Variants in RNF13 observed in about 807,000 individuals in gnomAD.
RNF13 encodes the protein E3 ubiquitin-protein ligase RNF13.
RNF13 carries 19 observed loss-of-function variants against 37.7 expected under a neutral mutation model. The ratio of observed to expected loss-of-function variants is 0.50; its 90% CI spans 0.35 to 0.74. RNF13 has a LOEUF of 0.74. Among genes scored for constraint, RNF13 ranks in the 30% least tolerant of loss-of-function variants. The pLI is 0.01. For missense variants in RNF13, 375 were observed against 453.0 expected, an observed-to-expected ratio of 0.83 and a Z score of 1.56; for synonymous variants, 144 against 157.8, an observed-to-expected ratio of 0.91 and a Z score of 0.65.
At chr3:149,817,986 T>C (rs1192189276) in intron 1 of RNF13, among the ~76,000 whole-genome samples, 1 of 152,200 alleles carries the variant, frequency 6.6e-6, no homozygotes, top group Non-Finnish European at 1.5e-5. Flanking sequence ...TTTGGTACAA[T>C]TGGGTAGAGC....
intron 8 of RNF13, among the ~76,000 whole-genome samples, chr3:149,940,582 C>G (rs1024889776): frequency 2.0e-5 from 3 of 152,156 alleles, no homozygotes; most frequent in Non-Finnish European, 2.9e-5. Flanking sequence ...CTTTAAAGAA[C>G]TTATTTTAAC....
intron 8 of RNF13, among the ~76,000 whole-genome samples, chr3:149,932,947 C>CT (rs1291341084): frequency 6.6e-6 from 1 of 152,264 alleles, no homozygotes; most frequent in Non-Finnish European, 1.5e-5. Context: ...CTGGGACAGA[C>CT]TTCTGCCTGG....
chr3:149,830,629 A>G (rs1029087046), intron 1 of RNF13, among the ~76,000 whole-genome samples: 1 of 138,324 alleles, frequency 7.2e-6, no homozygotes, highest in Non-Finnish European at 1.5e-5. Context: ...GAAGCAGAGC[A>G]TAAAAGTTCA....
intron 2 of RNF13, among the ~76,000 whole-genome samples, chr3:149,849,114 C>T (rs575326748): frequency 6.6e-6 from 1 of 152,154 alleles, no homozygotes; most frequent in South Asian, 2.1e-4. Flanking sequence ...AAACGTAATA[C>T]TATTAATTAT....
At chr3:149,873,621 A>G (rs915016162) in intron 4 of RNF13, among the ~76,000 whole-genome samples, 1 of 151,888 alleles carries the variant, frequency 6.6e-6, no homozygotes, top group Non-Finnish European at 1.5e-5. Context: ...TACATGTACT[A>G]TTTTCTCTGT....
intron 6 of RNF13, among the ~76,000 whole-genome samples, chr3:149,904,078 C>G (rs1033590844): frequency 1.3e-5 from 2 of 152,084 alleles, no homozygotes; most frequent in Non-Finnish European, 2.9e-5. Context: ...CCCTCTCTTT[C>G]AGTGGGCAGA....
At chr3:149,867,864 T>G (rs980534603) in intron 3 of RNF13, among the ~76,000 whole-genome samples, 28 of 151,920 alleles carry the variant, frequency 1.8e-4, no homozygotes, top group African/African-American at 6.8e-4. Flanking sequence ...CCTTTCTTAC[T>G]GTCTTCCTTT....
chr3:149,856,171 A>G (rs1447723520), intron 3 of RNF13, among the ~76,000 whole-genome samples: 1 of 151,840 alleles, frequency 6.6e-6, no homozygotes, highest in Non-Finnish European at 1.5e-5. Flanking sequence ...ACTTGACAAT[A>G]TAGGGCAAGA....
In RNF13 at chr3:149,858,777, C is replaced by T. The variant is rs550625217; in HGVS notation, c.195+6181C>T. ...TTCTTATATGATGTATAATTTATTT[C>T]CCCTCATCATTATTCATTAAATTAG... On this transcript the variant is annotated intron_variant, in intron 3 of 9. Transcript: ENST00000392894. 5.3e-3 allele frequency among the ~76,000 whole-genome samples: 804 copies of T among 152,256 alleles called. 3 individuals carry two copies. The highest frequency in any genetic ancestry group is 9.0e-3 in the Non-Finnish European group (611 of 68,020).
At chr3:149,928,228 A>G (rs564873108) in intron 8 of RNF13, among the ~76,000 whole-genome samples, 1 of 152,214 alleles carries the variant, frequency 6.6e-6, no homozygotes, top group East Asian at 1.9e-4. Flanking sequence ...ACCTTATGTC[A>G]TATCTAAGAA....
Position 149,846,046 on chromosome 3 carries a change from T to A in RNF13, c.20T>A (p.Met7Lys). 6.2e-7 allele frequency: 1 copy of A among 1,611,768 alleles called. No homozygotes were observed. Among genetic ancestry groups the A allele is most frequent in the Non-Finnish European group, 8.5e-7 (1 of 1,179,438 alleles). ...AACGAGATGCTGCTCTCCATAGGGATGCTCATGCTGTCAGCCACACAAGTC... is the reference window on the plus strand; with the variant it reads ...AACGAGATGCTGCTCTCCATAGGGAAGCTCATGCTGTCAGCCACACAAGTC... MLLSIG[M>K]LMLSATQVYT... The change falls in exon 2 of 10, where the codon ATG (methionine) becomes AAG (lysine). Residue 7 changes from methionine to lysine, a missense_variant. Met to Lys is a moderately conservative substitution (Grantham distance 95). Transcript: ENST00000392894.
intron 3 of RNF13, among the ~76,000 whole-genome samples, chr3:149,854,741 T>G (rs1296961248): frequency 1.3e-5 from 2 of 152,214 alleles, no homozygotes; most frequent in African/African-American, 4.8e-5. Context: ...ATTTGGCCTC[T>G]TCTGCCATCC....
At chr3:149,923,659 A>G (rs11711133) in intron 8 of RNF13, among the ~76,000 whole-genome samples, 135,342 of 151,024 alleles carry the variant, frequency 0.9, 60,703 homozygotes, top group African/African-American at 0.92. Context: ...CCAGCTACTC[A>G]GGAGGCTGAG....
chr3:149,948,432 C>T (rs928293220), intron 8 of RNF13, among the ~76,000 whole-genome samples: 1 of 152,010 alleles, frequency 6.6e-6, no homozygotes, highest in Non-Finnish European at 1.5e-5. Context: ...TTTGTCTTTC[C>T]TCTCACTGTG....
At chr3:149,827,721 T>C (rs1483321604) in intron 1 of RNF13, among the ~76,000 whole-genome samples, 2 of 152,178 alleles carry the variant, frequency 1.3e-5, no homozygotes, top group Non-Finnish European at 2.9e-5. Flanking sequence ...GAGTGAGGCA[T>C]GATAGGTGCA....
At chr3:149,845,403 T>C (rs1722547511) in intron 1 of RNF13, among the ~76,000 whole-genome samples, 1 of 152,200 alleles carries the variant, frequency 6.6e-6, no homozygotes, top group Admixed American at 6.5e-5. Context: ...GGACTCATAG[T>C]GAACAGGATG....
chr3:149,877,466 TTC>T (rs1559923792), intron 4 of RNF13, among the ~76,000 whole-genome samples: 1 of 150,244 alleles, frequency 6.7e-6, no homozygotes, highest in African/African-American at 2.4e-5. Flanking sequence ...CTCTTTTTCT[TTC>T]TGTCTTTTTT....
intron 3 of RNF13, among the ~76,000 whole-genome samples, chr3:149,864,279 T>C (rs12152387): frequency 0.03 from 4,516 of 152,008 alleles, 80 homozygotes; most frequent in South Asian, 0.036. Context: ...CTTCTCCTCT[T>C]TCATCATGTG....
intron 8 of RNF13, among the ~76,000 whole-genome samples, chr3:149,934,317 A>C (rs1219933002): frequency 6.6e-6 from 1 of 151,216 alleles, no homozygotes; most frequent in East Asian, 1.9e-4. Context: ...TTTTTCTTTC[A>C]GTTATCTTTT....
Sources: gnomAD v4.1 joint callset for allele counts (sites outside exome capture counted in the v4.1 genomes callset) on GRCh38, gnomAD v4.1.1 for gene constraint, MANE v1.5 for transcripts, NCBI Gene and HGNC (gene_info 2026-07-23, HGNC 2026-07-21) for gene names.